The following SLIT3 variants were observed in gnomAD, a reference collection of about 807,000 sequenced individuals.
SLIT3 encodes slit guidance ligand 3.
SLIT3 carries 68 observed loss-of-function variants against 184.0 expected under a neutral mutation model. That is an observed-to-expected ratio of 0.37 (90% CI 0.30 to 0.45). The LOEUF (loss-of-function observed/expected upper bound fraction) is 0.45, where lower values mean the gene tolerates loss of function less well. Ranked by LOEUF, SLIT3 falls within the 20% of genes least tolerant of loss-of-function variation. The pLI, the probability that SLIT3 is intolerant of heterozygous loss-of-function variation, is 1.00. For synonymous variants in SLIT3, 831 were observed against 828.6 expected, an observed-to-expected ratio of 1.00 and a Z score of -0.05; for missense variants, 1,707 against 2,026.0, an observed-to-expected ratio of 0.84 and a Z score of 3.02.
chr5:168,686,520 ATCTAGAG>A (rs1333808300), intron 30 of SLIT3, among the ~76,000 whole-genome samples: 1 of 152,234 alleles, frequency 6.6e-6, no homozygotes, highest in East Asian at 1.9e-4. Context: ...TATATAAAGC[ATCTAGAG>A]TAGCCAAATT....
At chr5:168,804,164 C>T (rs1455694347) in intron 9 of SLIT3, among the ~76,000 whole-genome samples, 1 of 151,626 alleles carries the variant, frequency 6.6e-6, no homozygotes, top group Non-Finnish European at 1.5e-5. Flanking sequence ...AAAAAATTTG[C>T]TGGGTGTGGT....
chr5:168,870,912 C>T (rs1055704307), intron 5 of SLIT3, among the ~76,000 whole-genome samples: 12 of 152,200 alleles, frequency 7.9e-5, no homozygotes, highest in African/African-American at 1.4e-4. Flanking sequence ...GAAATCCAGA[C>T]GACAGGGTTT....
chr5:169,098,460 G>C (rs1759874663), intron 4 of SLIT3, among the ~76,000 whole-genome samples: 1 of 152,204 alleles, frequency 6.6e-6, no homozygotes, highest in Non-Finnish European at 1.5e-5. Context: ...CCTTAAGCTA[G>C]AATCTGAACA....
At chr5:168,753,725 G>T in intron 17 of SLIT3, 139 bp downstream of exon 17, 2 of 989,872 alleles carry the variant, frequency 2.0e-6, no homozygotes, top group South Asian at 1.6e-5. Context: ...AATGTCTGAT[G>T]ACTCTGACTC....
chr5:168,935,187 C>T (rs1324237393), intron 4 of SLIT3, among the ~76,000 whole-genome samples: 3 of 151,754 alleles, frequency 2.0e-5, no homozygotes, highest in East Asian at 1.9e-4. Flanking sequence ...AATAATAACC[C>T]TATTAAAGAG....
At chr5:168,795,316 A>C (rs375672463) in intron 10 of SLIT3, among the ~76,000 whole-genome samples, 191 bp downstream of exon 10, 2 of 152,154 alleles carry the variant, frequency 1.3e-5, no homozygotes, top group Non-Finnish European at 2.9e-5. Context: ...CCAAGCCCAC[A>C]CACCTCACAA....
intron 4 of SLIT3, among the ~76,000 whole-genome samples, chr5:169,189,500 G>GTACAGTAC: frequency 7.7e-6 from 1 of 130,590 alleles, no homozygotes; most frequent in South Asian, 2.5e-4. Context: ...AAAGTGCCCA[G>GTACAGTAC]TACAGTACTG....
chr5:169,043,523 A>G (rs1757519787), intron 4 of SLIT3, among the ~76,000 whole-genome samples: 1 of 152,180 alleles, frequency 6.6e-6, no homozygotes, highest in African/African-American at 2.4e-5. Flanking sequence ...TTGTTCCCTT[A>G]AGTTGGTTAA....
At chr5:169,124,536 C>T (rs1761005400) in intron 4 of SLIT3, among the ~76,000 whole-genome samples, 1 of 152,152 alleles carries the variant, frequency 6.6e-6, no homozygotes, top group South Asian at 2.1e-4. Flanking sequence ...AAACTAGGTG[C>T]TGGTGCAGTG....
At chr5:168,931,768 G>C (rs950696409) in intron 4 of SLIT3, among the ~76,000 whole-genome samples, 29 of 152,146 alleles carry the variant, frequency 1.9e-4, no homozygotes, top group Non-Finnish European at 1.5e-4. Context: ...TGTATGATGA[G>C]GGTGTCTACT....
chr5:169,299,623 G>A (rs1351371231), intron 1 of SLIT3, among the ~76,000 whole-genome samples: 2 of 151,838 alleles, frequency 1.3e-5, no homozygotes, highest in Non-Finnish European at 2.9e-5. Flanking sequence ...GCCCACCCCG[G>A]AGTCCAAGTT....
chr5:168,934,183 G>A (rs554098032), intron 4 of SLIT3, among the ~76,000 whole-genome samples: 14 of 152,254 alleles, frequency 9.2e-5, no homozygotes, highest in South Asian at 8.3e-4. Flanking sequence ...AACGCTCCTC[G>A]TAGATGGCAC....
At chr5:169,163,194 GC>G (rs1762533451) in intron 4 of SLIT3, among the ~76,000 whole-genome samples, 2 of 152,080 alleles carry the variant, frequency 1.3e-5, no homozygotes. Context: ...GGTGGTGTGT[GC>G]CTGTAATCCC....
At chr5:168,729,885 G>A (rs1763243063) in intron 20 of SLIT3, among the ~76,000 whole-genome samples, 1 of 151,958 alleles carries the variant, frequency 6.6e-6, no homozygotes, top group African/African-American at 2.4e-5. Context: ...TACTAACCCT[G>A]AATATAAATG....
chr5:168,985,422 C>G (rs1315353337), intron 4 of SLIT3, among the ~76,000 whole-genome samples: 1 of 152,176 alleles, frequency 6.6e-6, no homozygotes, highest in Non-Finnish European at 1.5e-5. Context: ...TTGCTTCCGG[C>G]AAGGGGAGTC....
intron 4 of SLIT3, among the ~76,000 whole-genome samples, chr5:169,097,030 G>A (rs1043373871): frequency 1.3e-5 from 2 of 152,148 alleles, no homozygotes; most frequent in African/African-American, 4.8e-5. Flanking sequence ...TGGTTCTGGT[G>A]GACCATTTCC....
At chr5:168,684,927 C>A (rs748282169) in intron 31 of SLIT3, among the ~76,000 whole-genome samples, 27 of 151,944 alleles carry the variant, frequency 1.8e-4, no homozygotes, top group Non-Finnish European at 3.1e-4. Context: ...GCGGGTGGGG[C>A]CCAGGCAAAG....
chr5:169,228,158 C>G lies in SLIT3; in HGVS notation c.341+16547G>C, dbSNP rs188339457. Among the ~76,000 whole-genome samples the G allele has an allele frequency of 2.7e-3, 407 of 152,276 alleles. 6 individuals are homozygous for G. The highest frequency in any genetic ancestry group is 3.4e-3 in the Middle Eastern group (1 of 294). ...CATATATCACATAAATAAAACAGTA[C>G]AAGAACCAATCACATATATTTAATT... is the stretch of plus-strand genomic sequence containing the variant. On this transcript the variant is annotated intron_variant, in intron 3 of 35. Transcript: ENST00000519560.
chr5:168,662,118 A>T lies in SLIT3; in HGVS notation c.*4336T>A, dbSNP rs1028012737. 3 of 152,194 alleles carry T rather than the reference A, an allele frequency of 2.0e-5. No individual in the cohort carries two copies. Among genetic ancestry groups the T allele is most frequent in the African/African-American group, 4.8e-5 (2 of 41,446 alleles). The allele number at this position is 152,194 out of a possible 1,614,324, so 9.4% of individuals were successfully genotyped here. A position where few individuals can be genotyped will look rare whatever the true frequency, so the allele number is the denominator to read the frequency against. ...GTGGGGACCATCTGCCTGGACATCC[A>T]CTGTGGGGTAGCAGGAAGAACTTTG... On this transcript the variant is annotated 3_prime_UTR_variant, in exon 36 of 36. Transcript: ENST00000519560.
Sources: allele counts gnomAD v4.1 joint callset (sites outside exome capture counted in the v4.1 genomes callset), GRCh38; gene constraint gnomAD v4.1.1; transcripts MANE v1.5; gene names NCBI Gene and HGNC (gene_info 2026-07-23, HGNC 2026-07-21).